SORCS2: variants seen among roughly 807,000 people sequenced by gnomAD.
SORCS2 encodes the protein VPS10 domain-containing receptor SorCS2.
In SORCS2, 100 loss-of-function variants were observed where a neutral mutation model predicts 141.6. The ratio of observed to expected loss-of-function variants is 0.71; its 90% CI spans 0.60 to 0.83. The LOEUF (loss-of-function observed/expected upper bound fraction) is 0.83, where lower values mean the gene tolerates loss of function less well. SORCS2 is among the 40% of genes least tolerant of loss of function. The pLI, the probability that SORCS2 is intolerant of heterozygous loss-of-function variation, is 0.00. For synonymous variants in SORCS2, 789 were observed against 676.9 expected (o/e 1.17, Z -2.57); for missense variants, 1,646 against 1,560.2 (o/e 1.05, Z -0.93).
At chr4:7,332,521 A>G (rs893359968) in intron 1 of SORCS2, among the ~76,000 whole-genome samples, 1 of 152,052 alleles carries the variant, frequency 6.6e-6, no homozygotes, top group African/African-American at 2.4e-5. Context: ...GTGACCCCCG[A>G]CCCTGGCCTA....
At chr4:7,525,687 C>T (rs1321864573) in intron 2 of SORCS2, among the ~76,000 whole-genome samples, 1 of 151,722 alleles carries the variant, frequency 6.6e-6, no homozygotes, top group Non-Finnish European at 1.5e-5. Flanking sequence ...AACTCAGTCA[C>T]CTGTCCCCAC....
chr4:7,213,283 T>C (rs750218293), intron 1 of SORCS2, among the ~76,000 whole-genome samples: 1 of 152,120 alleles, frequency 6.6e-6, no homozygotes, highest in Non-Finnish European at 1.5e-5. Flanking sequence ...ATGGAGCCAC[T>C]ACAGTGACGG....
intron 3 of SORCS2, among the ~76,000 whole-genome samples, chr4:7,573,423 G>A (rs1389049496): frequency 6.6e-6 from 1 of 152,208 alleles, no homozygotes; most frequent in Non-Finnish European, 1.5e-5. Flanking sequence ...CTAAGTAAAA[G>A]TAAAGGCAAA....
chr4:7,565,685 G>A (rs1017693590), intron 3 of SORCS2, among the ~76,000 whole-genome samples: 2 of 150,330 alleles, frequency 1.3e-5, no homozygotes, highest in Non-Finnish European at 3.0e-5. Flanking sequence ...ATGTGATGAT[G>A]GTGATGTTTA....
At chr4:7,568,320 A>G (rs992907525) in intron 3 of SORCS2, among the ~76,000 whole-genome samples, 7 of 152,270 alleles carry the variant, frequency 4.6e-5, no homozygotes, top group African/African-American at 1.7e-4. Context: ...GCAAGTATCT[A>G]TGTCCTAATA....
chr4:7,271,912 G>A (rs1715162884), intron 1 of SORCS2, among the ~76,000 whole-genome samples: 2 of 152,366 alleles, frequency 1.3e-5, no homozygotes, highest in East Asian at 1.9e-4. Context: ...GTGGGCGATG[G>A]GCTCTGGGTG....
chr4:7,727,855 G>A (rs1203119861), intron 21 of SORCS2, among the ~76,000 whole-genome samples: 1 of 152,208 alleles, frequency 6.6e-6, no homozygotes, highest in East Asian at 1.9e-4. Context: ...GGGAAATGTG[G>A]GAGAAAGAGA....
intron 1 of SORCS2, among the ~76,000 whole-genome samples, chr4:7,352,835 G>A (rs548184249): frequency 2.6e-5 from 4 of 152,246 alleles, no homozygotes; most frequent in South Asian, 2.1e-4. Flanking sequence ...GTGAAGTCAC[G>A]GCCTTTGTCA....
chr4:7,335,350 G>A (rs554851722), intron 1 of SORCS2, among the ~76,000 whole-genome samples: 2 of 152,364 alleles, frequency 1.3e-5, no homozygotes, highest in African/African-American at 4.8e-5. Flanking sequence ...CCTGGGGAGT[G>A]AAGGGAATTT....
intron 3 of SORCS2, among the ~76,000 whole-genome samples, chr4:7,568,649 A>G (rs1715181888): frequency 6.6e-6 from 1 of 152,168 alleles, no homozygotes; most frequent in Non-Finnish European, 1.5e-5. Context: ...CTGACTGGTA[A>G]TTGGTGCAGG....
At chr4:7,662,987 T>C (rs769269854) in intron 6 of SORCS2, among the ~76,000 whole-genome samples, 1 of 151,760 alleles carries the variant, frequency 6.6e-6, no homozygotes, top group Non-Finnish European at 1.5e-5. Context: ...AGTGAGTGAG[T>C]GAGTGAGCGA....
At chr4:7,661,828 C>G (rs1458263234) in intron 6 of SORCS2, among the ~76,000 whole-genome samples, 2 of 152,176 alleles carry the variant, frequency 1.3e-5, no homozygotes, top group Non-Finnish European at 2.9e-5. Flanking sequence ...CCCACTCACT[C>G]AGCCCACCAC....
At chr4:7,284,827 G>A (rs1001430280) in intron 1 of SORCS2, among the ~76,000 whole-genome samples, 12 of 152,162 alleles carry the variant, frequency 7.9e-5, no homozygotes, top group African/African-American at 1.9e-4. Flanking sequence ...CCACATGGCT[G>A]TGCTCCCTCT....
intron 1 of SORCS2, among the ~76,000 whole-genome samples, chr4:7,333,545 C>T (rs966973067): frequency 1.3e-5 from 2 of 152,070 alleles, no homozygotes; most frequent in South Asian, 2.1e-4. Flanking sequence ...GTTTCAAGAT[C>T]GGGAGACTGA....
intron 7 of SORCS2, among the ~76,000 whole-genome samples, chr4:7,665,523 A>T (rs1722450347): frequency 6.6e-6 from 1 of 152,086 alleles, no homozygotes; most frequent in South Asian, 2.1e-4. Flanking sequence ...TCAATCATGC[A>T]CTTCCTCCTC....
At chr4:7,466,937 C>T (rs1729653365) in intron 2 of SORCS2, among the ~76,000 whole-genome samples, 1 of 152,142 alleles carries the variant, frequency 6.6e-6, no homozygotes, top group African/African-American at 2.4e-5. Context: ...CACCCTGCTG[C>T]CTTTCTCTTT....
intron 3 of SORCS2, among the ~76,000 whole-genome samples, chr4:7,589,154 T>C (rs770620604): frequency 3.3e-5 from 5 of 152,148 alleles, no homozygotes; most frequent in Non-Finnish European, 7.3e-5. Flanking sequence ...GCCAAGAGTT[T>C]GGCGTTTCCT....
chr4:7,371,905 G>C (rs1200251413), intron 1 of SORCS2, among the ~76,000 whole-genome samples: 2 of 152,222 alleles, frequency 1.3e-5, no homozygotes, highest in East Asian at 1.9e-4. Context: ...CCTGCATGCT[G>C]GTGGCCTCTA....
intron 3 of SORCS2, among the ~76,000 whole-genome samples, chr4:7,588,067 G>A (rs1038379092): frequency 1.3e-5 from 2 of 152,148 alleles, no homozygotes; most frequent in South Asian, 2.1e-4. Context: ...TCCTCCAGTC[G>A]CTGGGTCCCT....
Sources: gnomAD v4.1 joint callset for allele counts (sites outside exome capture counted in the v4.1 genomes callset) on GRCh38, gnomAD v4.1.1 for gene constraint, MANE v1.5 for transcripts, NCBI Gene and HGNC (gene_info 2026-07-23, HGNC 2026-07-21) for gene names.